The following STAB1 variants were observed in gnomAD, a reference collection of about 807,000 sequenced individuals.
The protein encoded by STAB1 is stabilin 1.
STAB1 carries 250 observed loss-of-function variants against 332.4 expected under a neutral mutation model. The ratio of observed to expected loss-of-function variants is 0.75; its 90% CI spans 0.68 to 0.84. The LOEUF (loss-of-function observed/expected upper bound fraction) is 0.84. Ranked by LOEUF, STAB1 falls within the 40% of genes least tolerant of loss-of-function variation. The pLI is 0.00. For missense variants in STAB1, 3,249 were observed against 3,489.7 expected, an observed-to-expected ratio of 0.93 and a Z score of 1.74; for synonymous variants, 1,475 against 1,390.4, an observed-to-expected ratio of 1.06 and a Z score of -1.35.
At chr3:52,507,536 A>G (rs902859785) in intron 18 of STAB1, 77 bp from the exon 19 acceptor site, 16 of 1,456,390 alleles carry the variant, frequency 1.1e-5, no homozygotes, top group Admixed American at 4.0e-5. Flanking sequence ...TCCCCACTCA[A>G]TGTTCCCTTC....
In STAB1 at chr3:52,516,109, G is replaced by T. The variant is rs1342249948; in HGVS notation, c.4015G>T (p.Val1339Leu). 5 of 1,611,942 alleles carry T rather than the reference G, an allele frequency of 3.1e-6. No individual in the cohort carries two copies. Among genetic ancestry groups the T allele is most frequent in the Non-Finnish European group, 2.5e-6 (3 of 1,179,564 alleles). The change falls in exon 38 of 69, where the codon GTG becomes TTG. Residue 1339 changes from valine (V) to leucine (L), a missense_variant. By Grantham distance (32) the Val-to-Leu change is conservative. Transcript: ENST00000321725. ...CEPCPGGLGG[V>L]CSGHGQCQDR... ...GCCATGCCCAGGGGGTCTAGGGGGG[G>T]TGTGCTCAGGCCATGGGCAGTGCCA...
At chr3:52,502,252 G>C (rs1005984974) in intron 5 of STAB1, 24 bp downstream of exon 5, 2 of 1,604,802 alleles carry the variant, frequency 1.2e-6, no homozygotes, top group Non-Finnish European at 1.7e-6. Flanking sequence ...AGGCAAGAGG[G>C]CACGGCCAGC....
rs1475915277 is a variant in STAB1, at chr3:52,521,709, C to G, written c.6163+9C>G. ...CTGTGAGGTGCAACTGGGTGAGTAG[C>G]CCCGTGCTCGTGCCCACCCTACACA... On this transcript the variant is annotated intron_variant, in intron 57 of 68. Transcript: ENST00000321725. 6.2e-7 allele frequency: 1 copy of G among 1,612,164 alleles called. No homozygotes were observed. The highest frequency in any genetic ancestry group is 1.3e-5 in the African/African-American group (1 of 75,028).
intron 27 of STAB1, 71 bp from the exon 28 acceptor site, chr3:52,512,525 A>G: frequency 6.2e-7 from 1 of 1,612,680 alleles, no homozygotes; most frequent in Non-Finnish European, 8.5e-7. Context: ...GGCACTGCTC[A>G]GGATCCATGG....
In STAB1 at chr3:52,516,258, G is replaced by C. The variant is rs181771589; in HGVS notation, c.4144+20G>C. The C allele has an allele frequency of 3.1e-6, 5 of 1,607,062 alleles. No individual in the cohort carries two copies. The highest frequency in any genetic ancestry group is 4.2e-6 in the Non-Finnish European group (5 of 1,177,208). On this transcript the variant is annotated intron_variant, in intron 38 of 68. Coordinates refer to ENST00000321725, the MANE Select transcript of STAB1 (RefSeq NM_015136.3). ...CCGGAGGTGAGGACTGGGGAGGGGC[G>C]GGGGTGGGCCTCCTGGCAGCAGAGA...
At position 52,520,040 on chromosome 3, in the gene STAB1, C is replaced by T. The variant is rs749546540; in HGVS notation, c.5332C>T (p.Arg1778Cys). 30 of 1,612,584 alleles carry T rather than the reference C, an allele frequency of 1.9e-5. No homozygotes were observed. The Admixed American group carries it at 2.3e-4, about 13-fold the overall frequency. ...CGCCTTTCGAGCTCTGCCTCCGGAT[C>T]GCCAGGCCTGGCTGTACCATGAGGA... Reference protein sequence around the residue: ...DAAFRALPPDRQAWLYHEDHR... With the variant: ...DAAFRALPPDCQAWLYHEDHR... The change falls in exon 51 of 69, where the codon CGC becomes TGC. Residue 1778 changes from arginine to cysteine, a missense_variant. Physicochemically the swap from Arg to Cys is radical, Grantham distance 180. Coordinates refer to ENST00000321725, the MANE Select transcript of STAB1 (RefSeq NM_015136.3).
At chr3:52,514,857 G>A (rs41292858) in intron 35 of STAB1, 28 bp downstream of exon 35, 14 of 1,612,782 alleles carry the variant, frequency 8.7e-6, no homozygotes, top group African/African-American at 4.0e-5. Flanking sequence ...CAGGAAGGCC[G>A]GCACGGGAGT....
At chr3:52,520,588 C>T (rs1212837297) in intron 53 of STAB1, 39 bp downstream of exon 53, 19 of 1,612,570 alleles carry the variant, frequency 1.2e-5, no homozygotes, top group East Asian at 6.7e-5. Flanking sequence ...AAGCCCACCC[C>T]GCCTGTGGTG....
Position 52,501,210 on chromosome 3 carries a change from T to C in STAB1, c.123T>C (p.His41=), listed in dbSNP as rs1439084197. Residue 41 remains histidine (H), a synonymous_variant, in exon 2 of 69, where the codon CAT becomes CAC. Coordinates refer to ENST00000321725, the MANE Select transcript of STAB1 (RefSeq NM_015136.3). ...GCDVKTTFVT[H]VPCTSCAAIK... The stretch of plus-strand genomic sequence containing the variant: ...ATGTGAAAACCACGTTTGTCACTCA[T>C]GTACCCTGCACCTCGTGCGCGGCCA... 6.2e-7 allele frequency: 1 copy of C among 1,613,644 alleles called. No individual in the cohort carries two copies. Among genetic ancestry groups the C allele is most frequent in the East Asian group, 2.2e-5 (1 of 44,882 alleles).
At chr3:52,513,299 A>C in intron 30 of STAB1, 58 bp downstream of exon 30, 1 of 1,474,908 alleles carries the variant, frequency 6.8e-7, no homozygotes, top group Non-Finnish European at 9.1e-7. Context: ...AGGGAGCCTG[A>C]GTGGCTGCAG....
rs1708421237 is a variant in STAB1 at position 52,501,254 on chromosome 3, C to T, written c.167C>T (p.Pro56Leu). 5 of 1,613,598 alleles carry T rather than the reference C, an allele frequency of 3.1e-6. No homozygotes were observed. The South Asian group carries it at 5.5e-5, about 18-fold the overall frequency. The change falls in exon 2 of 69, where the codon CCC (proline) becomes CTC (leucine). Residue 56 changes from proline (P) to leucine (L), a missense_variant. Coordinates refer to ENST00000321725, the MANE Select transcript of STAB1 (RefSeq NM_015136.3). ...SCAAIKKQTCPSGWLRELPDQ... is the reference protein window; with the variant it reads ...SCAAIKKQTCLSGWLRELPDQ... ...GCGGCCATCAAGAAGCAGACGTGTC[C>T]CTCAGGCTGGCTGCGGGAGCTCCCG...
rs2078885614 is a variant in STAB1 at position 52,516,880 on chromosome 3, C to T, written c.4364-104C>T. 3 of 1,596,760 alleles carry T rather than the reference C, an allele frequency of 1.9e-6. No individual in the cohort carries two copies. The East Asian group carries it at 6.7e-5, about 36-fold the overall frequency. Reference sequence around the variant, plus strand: ...CCCCCCTCACTGTCCCATCTCAGGACTCACCCTTCCCTCTGACCTTTTCCT... The same window carrying T: ...CCCCCCTCACTGTCCCATCTCAGGATTCACCCTTCCCTCTGACCTTTTCCT... On this transcript the variant is annotated intron_variant, in intron 41 of 68. Transcript: ENST00000321725.
chr3:52,506,314 C>A, intron 17 of STAB1, 64 bp downstream of exon 17: 1 of 1,456,100 alleles, frequency 6.9e-7, no homozygotes, highest in South Asian at 1.2e-5. Flanking sequence ...CACTTGGCCT[C>A]TCAGCCTTGT....
At position 52,510,505 on chromosome 3, in the gene STAB1, C is replaced by A. The variant is rs1211121082; in HGVS notation, c.2785C>A (p.Gln929Lys). The A allele has an allele frequency of 6.2e-7, 1 of 1,612,236 alleles. No homozygotes were observed. The highest frequency in any genetic ancestry group is 1.1e-5 in the South Asian group (1 of 90,880). Residue 929 changes from glutamine to lysine, a missense_variant and splice_region_variant, in exon 25 of 69, where the codon CAG becomes AAG. By Grantham distance (53) the Gln-to-Lys change is moderately conservative. Transcript: ENST00000321725. ...DALCSYVGPG[Q>K]SRCTCKLGFA... ...CCTCTGCAGCTATGTGGGCCCCGGG[C>A]AGGTGAGGTGCAGCAGAGAAGGGGT...
rs1578369191 is a variant in STAB1, at chr3:52,505,007, A to G, written c.1382A>G (p.Tyr461Cys). The G allele has an allele frequency of 6.2e-7, 1 of 1,613,546 alleles. No homozygotes were observed. The highest frequency in any genetic ancestry group is 8.5e-7 in the Non-Finnish European group (1 of 1,179,908). Residue 461 changes from tyrosine to cysteine, a missense_variant, in exon 13 of 69, where the codon TAC (tyrosine) becomes TGC (cysteine). By Grantham distance (194) the Tyr-to-Cys change is radical (BLOSUM62 -2). Coordinates refer to ENST00000321725, the MANE Select transcript of STAB1 (RefSeq NM_015136.3). ...AGACCTCTTGTGTCTCACCAGAAATACTCCTACAAGTACAAAGACCAGCCC... is the reference window on the plus strand; with the variant it reads ...AGACCTCTTGTGTCTCACCAGAAATGCTCCTACAAGTACAAAGACCAGCCC... ...ITVTFNQFTK[Y>C]SYKYKDQPQQ...
rs761590038 is a variant in STAB1, at chr3:52,520,955, C to T, written c.5858C>T (p.Thr1953Ile). 1 of 1,582,612 alleles carries T rather than the reference C, an allele frequency of 6.3e-7. No individual in the cohort carries two copies. Among genetic ancestry groups the T allele is most frequent in the Non-Finnish European group, 8.6e-7 (1 of 1,164,306 alleles). The stretch of plus-strand genomic sequence containing the variant: ...GGCTGCCACCGCAATTGTGTCACCA[C>T]CACCTGGAAGCCCAGCTGCTGCCCT... Reference protein sequence around the residue: ...GRGCHRNCVTTTWKPSCCPGH... With the variant: ...GRGCHRNCVTITWKPSCCPGH... Residue 1953 changes from threonine (T) to isoleucine (I), a missense_variant, in exon 55 of 69, where the codon ACC becomes ATC. Transcript: ENST00000321725.
At chr3:52,496,284 G>T (rs1396650207) in intron 1 of STAB1, among the ~76,000 whole-genome samples, 1 of 152,246 alleles carries the variant, frequency 6.6e-6, no homozygotes, top group Non-Finnish European at 1.5e-5. Context: ...AGGGGCCTCT[G>T]GGAGCTTCTG....
chr3:52,518,068 T>G, intron 45 of STAB1, 65 bp downstream of exon 45: 1 of 1,544,922 alleles, frequency 6.5e-7, no homozygotes, highest in East Asian at 2.3e-5. Flanking sequence ...TGACCCATGG[T>G]CTTGGCAAAG....
Position 52,519,365 on chromosome 3 carries a change from G to A in STAB1, c.5136G>A (p.Glu1712=). 1.2e-6 allele frequency: 2 copies of A among 1,613,122 alleles called. No homozygotes were observed. The highest frequency in any genetic ancestry group is 1.7e-6 in the Non-Finnish European group (2 of 1,180,000). Residue 1712 remains glutamate (E), a synonymous_variant, in exon 49 of 69, where the codon GAG becomes GAA. Coordinates refer to ENST00000321725, the MANE Select transcript of STAB1 (RefSeq NM_015136.3). ...TTGACCGTGTCCTGCTGCCCCCCGA[G>A]GCGCTGCACTGGGAGCCTGATGATG... The part of the protein sequence containing the change: ...HFIDRVLLPP[E]ALHWEPDDAP...
Sources: allele counts gnomAD v4.1 joint callset (sites outside exome capture counted in the v4.1 genomes callset), GRCh38; gene constraint gnomAD v4.1.1; transcripts MANE v1.5; gene names NCBI Gene and HGNC (gene_info 2026-07-23, HGNC 2026-07-21).